The following NAALADL2 variants were observed in gnomAD, a reference collection of about 807,000 sequenced individuals.
NAALADL2 encodes inactive N-acetylated-alpha-linked acidic dipeptidase-like protein 2.
In NAALADL2, 76 loss-of-function variants were observed where a neutral mutation model predicts 87.2. The ratio of observed to expected loss-of-function variants is 0.87; its 90% CI spans 0.72 to 1.05. The LOEUF (loss-of-function observed/expected upper bound fraction) is 1.05. NAALADL2 is among the 50% of genes least tolerant of loss of function. NAALADL2 has a pLI of 0.00. For missense variants in NAALADL2, 1,089 were observed against 945.8 expected (o/e 1.15, Z -1.99); for synonymous variants, 354 against 331.0 (o/e 1.07, Z -0.75).
intron 2 of NAALADL2, among the ~76,000 whole-genome samples, chr3:175,158,773 A>G (rs1193207812): frequency 6.6e-6 from 1 of 152,098 alleles, no homozygotes; most frequent in South Asian, 2.1e-4. Context: ...ATTAGAAAAA[A>G]TAGGAGAAAT....
At chr3:175,684,467 GCT>G (rs1736003650) in intron 11 of NAALADL2, among the ~76,000 whole-genome samples, 2 of 152,000 alleles carry the variant, frequency 1.3e-5, no homozygotes, top group South Asian at 4.1e-4. Context: ...ATCCCAAACA[GCT>G]ATATAAGAAT....
intron 1 of NAALADL2, among the ~76,000 whole-genome samples, chr3:175,044,738 G>C (rs1030739086): frequency 6.6e-6 from 1 of 151,870 alleles, no homozygotes; most frequent in Non-Finnish European, 1.5e-5. Flanking sequence ...AAATGTGCTG[G>C]GAAGAGAATC....
intron 3 of NAALADL2, among the ~76,000 whole-genome samples, chr3:174,740,418 C>A (rs1248266430): frequency 6.6e-6 from 1 of 151,896 alleles, no homozygotes; most frequent in African/African-American, 2.4e-5. Context: ...TCACCTTTAG[C>A]ATTTGACATT....
At chr3:174,466,312 G>A (rs1000576911) in intron 1 of NAALADL2, among the ~76,000 whole-genome samples, 1 of 139,770 alleles carries the variant, frequency 7.2e-6, no homozygotes, top group Non-Finnish European at 1.5e-5. Flanking sequence ...TATCCTTGAT[G>A]CCAGTGTATT....
intron 3 of NAALADL2, among the ~76,000 whole-genome samples, chr3:174,827,133 C>G (rs963716434): frequency 3.3e-5 from 5 of 152,120 alleles, no homozygotes; most frequent in African/African-American, 1.2e-4. Flanking sequence ...TCTTCTCACT[C>G]ACTTTTTTTT....
chr3:174,953,415 A>G (rs1411819787), intron 1 of NAALADL2, among the ~76,000 whole-genome samples: 2 of 149,292 alleles, frequency 1.3e-5, no homozygotes, highest in Non-Finnish European at 3.0e-5. Context: ...AGTCCTAGGC[A>G]CTAGACTACA....
chr3:175,696,384 A>C (rs1032212876), intron 11 of NAALADL2, among the ~76,000 whole-genome samples: 2 of 152,138 alleles, frequency 1.3e-5, no homozygotes, highest in East Asian at 1.9e-4. Context: ...CAGGAGAGAA[A>C]GATTTCTTTT....
At chr3:175,300,755 T>TTATTTTTATTTATTTATTTA (rs774634887) in intron 4 of NAALADL2, among the ~76,000 whole-genome samples, 1 of 146,360 alleles carries the variant, frequency 6.8e-6, no homozygotes. Flanking sequence ...ATTTATTTAT[T>TTATTTTTATTTATTTATTTA]TTTATTTATT....
intron 2 of NAALADL2, among the ~76,000 whole-genome samples, chr3:175,160,012 T>TTTTTTTTA (rs1732901512): frequency 6.8e-6 from 1 of 147,618 alleles, no homozygotes; most frequent in Non-Finnish European, 1.5e-5. Flanking sequence ...TTTTTTTTTT[T>TTTTTTTTA]ACTTTTAGTA....
intron 1 of NAALADL2, among the ~76,000 whole-genome samples, chr3:174,979,304 CTTTT>C (rs5854604): frequency 3.8e-5 from 4 of 105,222 alleles, no homozygotes; most frequent in African/African-American, 1.6e-4. Flanking sequence ...TCTTTCTTTT[CTTTT>C]TTTTTTTTTT....
At chr3:174,900,142 C>T (rs912486633) in intron 1 of NAALADL2, among the ~76,000 whole-genome samples, 9 of 151,798 alleles carry the variant, frequency 5.9e-5, no homozygotes, top group African/African-American at 2.2e-4. Flanking sequence ...TTACAAAGCA[C>T]CAATAATTAA....
rs145376559 is a variant in NAALADL2 at position 175,434,550 on chromosome 3, G to T, written c.1091-12679G>T. ...TAAGTAGATCTGGAAATAAAGTACT[G>T]AGCTTCTGTCTGTTCATTTAATCAG... is the stretch of plus-strand genomic sequence containing the variant. On this transcript the variant is annotated intron_variant, in intron 5 of 13. Transcript: ENST00000454872. 1.5e-3 allele frequency among the ~76,000 whole-genome samples: 230 copies of T among 152,092 alleles called. 1 individual carries two copies. Among genetic ancestry groups the T allele is most frequent in the African/African-American group, 4.6e-3 (193 of 41,524 alleles).
intron 11 of NAALADL2, among the ~76,000 whole-genome samples, chr3:175,694,191 T>C (rs1480257075): frequency 6.6e-6 from 1 of 152,170 alleles, no homozygotes; most frequent in Admixed American, 6.6e-5. Flanking sequence ...ATATAGACAT[T>C]ATATAGTTGA....
At chr3:175,303,268 G>C (rs1757309622) in intron 4 of NAALADL2, among the ~76,000 whole-genome samples, 1 of 152,070 alleles carries the variant, frequency 6.6e-6, no homozygotes, top group African/African-American at 2.4e-5. Context: ...TTGTTGTGTA[G>C]ATTCAACTGC....
intron 1 of NAALADL2, among the ~76,000 whole-genome samples, chr3:174,867,168 G>T (rs1727255305): frequency 6.6e-6 from 1 of 151,150 alleles, no homozygotes; most frequent in South Asian, 2.1e-4. Flanking sequence ...ATAAAAAAGG[G>T]GAAAGAACTA....
chr3:174,464,691 G>T (rs903668236), intron 1 of NAALADL2, among the ~76,000 whole-genome samples: 4 of 151,586 alleles, frequency 2.6e-5, no homozygotes, highest in Admixed American at 2.0e-4. Flanking sequence ...TAAAATGTTT[G>T]ATTTTTGACA....
At chr3:174,899,827 A>G (rs1309531448) in intron 1 of NAALADL2, among the ~76,000 whole-genome samples, 1 of 152,138 alleles carries the variant, frequency 6.6e-6, no homozygotes, top group Non-Finnish European at 1.5e-5. Context: ...CAATAAAATC[A>G]GCAAAATGCA....
At chr3:175,307,295 C>T (rs977034554) in intron 4 of NAALADL2, among the ~76,000 whole-genome samples, 1 of 151,774 alleles carries the variant, frequency 6.6e-6, no homozygotes, top group African/African-American at 2.4e-5. Context: ...TGGAAAAGTC[C>T]TTTTTGAAAG....
rs1733013961 is a variant in NAALADL2 at position 175,666,495 on chromosome 3, T to G, written c.1896+39109T>G. Among the ~76,000 whole-genome samples the G allele has an allele frequency of 2.0e-5, 3 of 152,194 alleles. No individual in the cohort carries two copies. The South Asian group carries it at 6.2e-4, about 31-fold the overall frequency. On this transcript the variant is annotated intron_variant, in intron 11 of 13. Transcript: ENST00000454872. ...TCCACTATGCAGGATATTATACATG[T>G]TTTATTTAAAAGTACTTTTTCTCAA... is the stretch of plus-strand genomic sequence containing the variant.
Sources: allele counts gnomAD v4.1 joint callset (sites outside exome capture counted in the v4.1 genomes callset), GRCh38; gene constraint gnomAD v4.1.1; transcripts MANE v1.5; gene names NCBI Gene and HGNC (gene_info 2026-07-23, HGNC 2026-07-21).